CPS1: variants seen among roughly 807,000 people sequenced by gnomAD.
CPS1 encodes the protein carbamoyl-phosphate synthase 1, also known as carbamoyl-phosphate synthase [ammonia], mitochondrial.
A neutral mutation model predicts 174.6 loss-of-function variants in CPS1; 109 were observed. The ratio of observed to expected loss-of-function variants is 0.62; its 90% CI spans 0.53 to 0.73. The LOEUF (loss-of-function observed/expected upper bound fraction) is 0.73. CPS1 is among the 30% of genes least tolerant of loss of function. CPS1 has a pLI of 0.00. For missense variants in CPS1, 1,689 were observed against 1,821.9 expected, an observed-to-expected ratio of 0.93 and a Z score of 1.33; for synonymous variants, 637 against 632.0, an observed-to-expected ratio of 1.01 and a Z score of -0.12.
intron 1 of CPS1, among the ~76,000 whole-genome samples, chr2:210,510,667 A>T (rs1353443907): frequency 2.0e-5 from 3 of 152,264 alleles, no homozygotes; most frequent in South Asian, 2.1e-4. Flanking sequence ...GAATCTACAA[A>T]GAACTCAAAC....
At chr2:210,498,841 C>T (rs140451043) in intron 1 of CPS1, among the ~76,000 whole-genome samples, 6 of 151,274 alleles carry the variant, frequency 4.0e-5, no homozygotes, top group East Asian at 4.0e-4. Context: ...ACAGATAGGG[C>T]GGGAGAGCTC....
intron 1 of CPS1, among the ~76,000 whole-genome samples, chr2:210,547,821 A>G (rs965837066): frequency 3.9e-5 from 6 of 152,070 alleles, no homozygotes; most frequent in African/African-American, 9.7e-5. Context: ...TTGGAGCACT[A>G]CATATATTTA....
rs3213785 is a variant in CPS1 at position 210,647,713 on chromosome 2, G to A, written c.3142-150G>A. ...AGTGCCAGAAAGTAAAAATTTTGTG[G>A]CATCATTTAACAGTATTCATTGGTA... On this transcript the variant is annotated intron_variant, in intron 25 of 37. Transcript: ENST00000233072. 0.027 allele frequency: 27,601 copies of A among 1,019,386 alleles called. 2,489 individuals carry two copies. Among genetic ancestry groups the A allele is most frequent in the African/African-American group, 0.25 (15,805 of 62,542 alleles). 63.1% of individuals were successfully genotyped at this position (1,019,386 alleles called of 1,614,324 possible). A position where few individuals can be genotyped will look rare whatever the true frequency, so the allele number is the denominator to read the frequency against.
At chr2:210,642,743 G>A in intron 25 of CPS1, 78 bp downstream of exon 25, 1 of 1,194,500 alleles carries the variant, frequency 8.4e-7, no homozygotes, top group Non-Finnish European at 1.2e-6. Flanking sequence ...ATGCATTCTG[G>A]TATATAGATG....
intron 1 of CPS1, among the ~76,000 whole-genome samples, chr2:210,512,739 TATATATATATATATATA>T (rs1695533390): frequency 1.2e-3 from 3 of 2,452 alleles, no homozygotes; most frequent in Non-Finnish European, 6.0e-3. Flanking sequence ...AGTAGTTTTA[TATATATATATATATATA>T]TATATATATA....
At chr2:210,532,100 G>T (rs548110776) in intron 1 of CPS1, among the ~76,000 whole-genome samples, 1 of 152,090 alleles carries the variant, frequency 6.6e-6, no homozygotes, top group Admixed American at 6.5e-5. Context: ...CTGCATCATG[G>T]TTTTTTTATT....
intron 1 of CPS1, among the ~76,000 whole-genome samples, chr2:210,568,899 A>T (rs1293111072): frequency 4.6e-5 from 7 of 152,130 alleles, no homozygotes; most frequent in Non-Finnish European, 1.5e-5. Flanking sequence ...TTACTGTTTA[A>T]TATTTTCAGA....
At chr2:210,656,700 T>G in intron 30 of CPS1, 68 bp downstream of exon 30, 1 of 1,212,856 alleles carries the variant, frequency 8.2e-7, no homozygotes, top group East Asian at 2.4e-5. Context: ...AAGGTTTTTT[T>G]TTTTTTTTTA....
At chr2:210,632,629 T>G (rs1336147827) in intron 21 of CPS1, among the ~76,000 whole-genome samples, 1 of 152,156 alleles carries the variant, frequency 6.6e-6, no homozygotes, top group Non-Finnish European at 1.5e-5. Context: ...CAGCACTGAC[T>G]GTGGGAAGGG....
Position 210,608,564 on chromosome 2 carries a change from G to A in CPS1, c.2391+5G>A, listed in dbSNP as rs1699005679. 1 of 1,611,126 alleles carries A rather than the reference G, an allele frequency of 6.2e-7. No individual in the cohort carries two copies. ...TCTATGAAAAGTGTAGGAGAGGTGA[G>A]TCCTTGGTTTATTACGCTTTTCTTC... On this transcript the variant is annotated splice_donor_5th_base_variant and intron_variant, in intron 19 of 37. Transcript: ENST00000233072.
At chr2:210,513,914 G>T (rs1016954166) in intron 1 of CPS1, among the ~76,000 whole-genome samples, 2 of 152,012 alleles carry the variant, frequency 1.3e-5, no homozygotes, top group Non-Finnish European at 2.9e-5. Context: ...TGGCTAGTCA[G>T]ATATCCCAGG....
At chr2:210,573,967 C>G (rs937873588) in intron 2 of CPS1, among the ~76,000 whole-genome samples, 2 of 100,944 alleles carry the variant, frequency 2.0e-5, no homozygotes, top group Admixed American at 9.6e-5. Context: ...CAATAATTAT[C>G]AACTGTGACC....
chr2:210,485,499 T>C (rs1028974523), intron 1 of CPS1, among the ~76,000 whole-genome samples: 5 of 152,196 alleles, frequency 3.3e-5, no homozygotes, highest in Non-Finnish European at 5.9e-5. Flanking sequence ...ATATAATTTC[T>C]GCATTTTCTA....
At position 210,485,055 on chromosome 2, in the gene CPS1, C is replaced by T. The variant is rs187228975; in HGVS notation, c.3+7289C>T. Among the ~76,000 whole-genome samples the T allele has an allele frequency of 4.4e-4, 67 of 151,010 alleles. 1 individual carries two copies. The highest frequency in any genetic ancestry group is 8.8e-4 in the African/African-American group (36 of 41,142). ...CATCCTGGCTAACATGGTGAAACCC[C>T]GTCTCTACTAAAAATACAAAAAAAA... On this transcript the variant is annotated intron_variant, in intron 1 of 38. Transcript: ENST00000430249.
At chr2:210,667,782 A>G (rs1488506789) in intron 33 of CPS1, among the ~76,000 whole-genome samples, 1 of 152,194 alleles carries the variant, frequency 6.6e-6, no homozygotes, top group Non-Finnish European at 1.5e-5. Context: ...TATGACACAT[A>G]CTGTTATTTA....
At chr2:210,590,311 T>TA in intron 8 of CPS1, 77 bp downstream of exon 8, 1 of 1,597,762 alleles carries the variant, frequency 6.3e-7, no homozygotes, top group South Asian at 1.1e-5. Context: ...AGGGCTGTGA[T>TA]ACATTTTATT....
chr2:210,485,246 T>TAAAAATAAAAATA (rs3036510), intron 1 of CPS1, among the ~76,000 whole-genome samples: 1 of 146,630 alleles, frequency 6.8e-6, no homozygotes, highest in East Asian at 2.0e-4. Flanking sequence ...AAAAAAAAAA[T>TAAAAATAAAAATA]AAAATAAAAA....
intron 1 of CPS1, among the ~76,000 whole-genome samples, chr2:210,509,983 A>G (rs1313560753): frequency 6.6e-6 from 1 of 152,308 alleles, no homozygotes; most frequent in East Asian, 1.9e-4. Flanking sequence ...TGCCATCCCC[A>G]TCAAGCTACC....
intron 34 of CPS1, among the ~76,000 whole-genome samples, chr2:210,669,531 A>C (rs1374692140): frequency 2.6e-5 from 4 of 152,150 alleles, no homozygotes; most frequent in Non-Finnish European, 5.9e-5. Context: ...AGGGTGTCTT[A>C]ATATTAGCAA....
Sources: gnomAD v4.1 joint callset for allele counts (sites outside exome capture counted in the v4.1 genomes callset) on GRCh38, gnomAD v4.1.1 for gene constraint, MANE v1.5 for transcripts, NCBI Gene and HGNC (gene_info 2026-07-23, HGNC 2026-07-21) for gene names.